Variants in SNX29 observed in about 807,000 individuals in gnomAD.
The protein encoded by SNX29 is sorting nexin-29.
In SNX29, 78 loss-of-function variants were observed where a neutral mutation model predicts 102.1. That is an observed-to-expected ratio of 0.76 (90% CI 0.64 to 0.92). The LOEUF is 0.92. SNX29 is among the 40% of genes least tolerant of loss of function. The pLI is 0.00. For missense variants in SNX29, 1,280 were observed against 1,061.7 expected (o/e 1.21, Z -2.86); for synonymous variants, 580 against 414.5 (o/e 1.40, Z -4.85).
chr16:12,562,961 A>C (rs950162756), intron 20 of SNX29, among the ~76,000 whole-genome samples: 8 of 141,878 alleles, frequency 5.6e-5, no homozygotes, highest in Non-Finnish European at 1.1e-4. Flanking sequence ...CATTCACCCA[A>C]CACAAGGGGT....
chr16:12,085,569 C>T (rs1596821034), intron 11 of SNX29, among the ~76,000 whole-genome samples: 1 of 152,200 alleles, frequency 6.6e-6, no homozygotes, highest in African/African-American at 2.4e-5. Context: ...TCAGGTGATC[C>T]TCCTGCCTCG....
intron 13 of SNX29, among the ~76,000 whole-genome samples, chr16:12,151,510 C>G (rs1043509438): frequency 1.3e-5 from 2 of 152,178 alleles, no homozygotes; most frequent in African/African-American, 4.8e-5. Flanking sequence ...CCTGCATGTT[C>G]TGCGTGATCT....
intron 19 of SNX29, among the ~76,000 whole-genome samples, chr16:12,509,018 C>T (rs1193880916): frequency 1.3e-5 from 2 of 152,182 alleles, no homozygotes; most frequent in Non-Finnish European, 2.9e-5. Flanking sequence ...ATCCAGCACA[C>T]GTTGGCTGGT....
intron 13 of SNX29, among the ~76,000 whole-genome samples, chr16:12,157,977 C>T (rs1398612408): frequency 1.3e-5 from 2 of 152,182 alleles, no homozygotes; most frequent in Admixed American, 1.3e-4. Flanking sequence ...GCATCCCAGA[C>T]TTGTATTATA....
chr16:12,190,022 T>C (rs1301517571), intron 13 of SNX29, among the ~76,000 whole-genome samples: 1 of 152,242 alleles, frequency 6.6e-6, no homozygotes, highest in East Asian at 1.9e-4. Flanking sequence ...ATCAGTAATA[T>C]ATTCAGTTAT....
intron 14 of SNX29, among the ~76,000 whole-genome samples, chr16:12,254,720 G>C (rs945103297): frequency 6.6e-6 from 1 of 152,166 alleles, no homozygotes; most frequent in East Asian, 1.9e-4. Context: ...ACGTGAGAGT[G>C]TGCTTGCAGG....
chr16:12,122,590 G>A (rs2054023569), intron 11 of SNX29, among the ~76,000 whole-genome samples: 1 of 152,142 alleles, frequency 6.6e-6, no homozygotes, highest in African/African-American at 2.4e-5. Context: ...GAGAAGGAGA[G>A]TGTGTTCAGT....
At chr16:12,432,715 G>A (rs1294652402) in intron 18 of SNX29, among the ~76,000 whole-genome samples, 1 of 152,232 alleles carries the variant, frequency 6.6e-6, no homozygotes, top group African/African-American at 2.4e-5. Context: ...AGTGACAGGA[G>A]CTTGGCTAGT....
At chr16:12,267,243 C>CAAGTGTGT (rs2078955757) in intron 14 of SNX29, among the ~76,000 whole-genome samples, 3 of 78,318 alleles carry the variant, frequency 3.8e-5, no homozygotes, top group Admixed American at 2.5e-4. Flanking sequence ...AGCATGGGTG[C>CAAGTGTGT]GAGTGTGTGT....
intron 16 of SNX29, 119 bp from the exon 17 acceptor site, chr16:12,398,327 C>T: frequency 3.5e-6 from 4 of 1,130,090 alleles, no homozygotes; most frequent in Admixed American, 1.9e-5. Flanking sequence ...TGCTTTTTCA[C>T]TTCATTCTGA....
At chr16:12,043,689 C>G (rs1203396072) in intron 5 of SNX29, among the ~76,000 whole-genome samples, 4 of 151,852 alleles carry the variant, frequency 2.6e-5, no homozygotes, top group Non-Finnish European at 5.9e-5. Flanking sequence ...TGAATTCATT[C>G]AATCCCAAAC....
chr16:12,429,323 A>G (rs1038263291), intron 18 of SNX29, among the ~76,000 whole-genome samples: 4 of 152,244 alleles, frequency 2.6e-5, no homozygotes, highest in Non-Finnish European at 5.9e-5. Context: ...TAATCCCAAC[A>G]CATAGATACG....
At chr16:12,369,788 A>T (rs2082616401) in intron 16 of SNX29, among the ~76,000 whole-genome samples, 1 of 152,228 alleles carries the variant, frequency 6.6e-6, no homozygotes, top group African/African-American at 2.4e-5. Flanking sequence ...CTAACTAAAT[A>T]CATTATACTT....
At chr16:12,390,139 G>A (rs1389120092) in intron 16 of SNX29, among the ~76,000 whole-genome samples, 3 of 147,938 alleles carry the variant, frequency 2.0e-5, no homozygotes, top group Non-Finnish European at 4.4e-5. Flanking sequence ...CCCCGTGCGT[G>A]CAATTGAGGG....
chr16:12,539,128 T>G (rs1002851758), intron 20 of SNX29, among the ~76,000 whole-genome samples: 3 of 152,198 alleles, frequency 2.0e-5, no homozygotes, highest in African/African-American at 7.2e-5. Flanking sequence ...AAAAAATTTT[T>G]AATTTACACA....
At chr16:12,426,431 A>T (rs1333045388) in intron 18 of SNX29, among the ~76,000 whole-genome samples, 1 of 152,170 alleles carries the variant, frequency 6.6e-6, no homozygotes, top group African/African-American at 2.4e-5. Context: ...GTCAGGCCTG[A>T]AGATAATGAG....
intron 14 of SNX29, among the ~76,000 whole-genome samples, chr16:12,209,054 A>C (rs995647839): frequency 4.4e-4 from 67 of 152,128 alleles, no homozygotes; most frequent in African/African-American, 1.5e-3. Context: ...TCTTTCTGTA[A>C]GGTGCTTTTG....
chr16:12,525,899 T>C (rs1304095388), intron 20 of SNX29, among the ~76,000 whole-genome samples: 2 of 152,124 alleles, frequency 1.3e-5, no homozygotes, highest in African/African-American at 2.4e-5. Context: ...GGCTGTCCTT[T>C]TGACGTCCCT....
At chr16:12,561,269 G>A (rs963422197) in intron 20 of SNX29, 2 of 230,164 alleles carry the variant, frequency 8.7e-6, no homozygotes, top group South Asian at 3.6e-4. Flanking sequence ...AGATCCAAGG[G>A]GCTAAGACAC....
Sources: gnomAD v4.1 joint callset for allele counts (sites outside exome capture counted in the v4.1 genomes callset) on GRCh38, gnomAD v4.1.1 for gene constraint, MANE v1.5 for transcripts, NCBI Gene and HGNC (gene_info 2026-07-23, HGNC 2026-07-21) for gene names.